Variants in MYO6 observed in about 807,000 individuals in gnomAD.
MYO6 encodes the protein unconventional myosin-VI.
Under a neutral mutation model 178.7 loss-of-function variants are expected in MYO6, and 74 were observed. That is an observed-to-expected ratio of 0.41 (90% confidence interval 0.34 to 0.50). The LOEUF is 0.50. Among genes scored for constraint, MYO6 ranks in the 20% least tolerant of loss-of-function variants. The pLI, the probability that MYO6 is intolerant of heterozygous loss-of-function variation, is 0.09. For synonymous variants in MYO6, 477 were observed against 504.6 expected (o/e 0.95, Z 0.73); for missense variants, 1,330 against 1,547.4 (o/e 0.86, Z 2.36).
At chr6:75,750,225 G>T (rs1381226165) in intron 1 of MYO6, among the ~76,000 whole-genome samples, 2 of 151,638 alleles carry the variant, frequency 1.3e-5, no homozygotes, top group Non-Finnish European at 2.9e-5. Flanking sequence ...CTCCCGAGTA[G>T]CTGGGATTAC....
chr6:75,878,926 A>C (rs949906752), intron 20 of MYO6, among the ~76,000 whole-genome samples: 2 of 152,164 alleles, frequency 1.3e-5, no homozygotes, highest in Admixed American at 6.6e-5. Flanking sequence ...CAGATTAACC[A>C]CTTACTAGAG....
In MYO6 at chr6:75,858,958, C is replaced by T. The variant is rs1291518826; in HGVS notation, c.1438C>T (p.Leu480Phe). 2 of 1,609,470 alleles carry T rather than the reference C, an allele frequency of 1.2e-6. No individual in the cohort carries two copies. ...TTGCATCAACTATTGCAATGAAAAA[C>T]TTCAACAATTTTTTAATGAAAGGAT... ...QFCINYCNEK[L>F]QQFFNERILK... is the part of the protein sequence containing the mutation. Residue 480 changes from leucine to phenylalanine, a missense_variant, in exon 14 of 35, where the codon CTT becomes TTT. This residue lies in a region of MYO6 where 613 missense variants were observed against 816.8 expected (regional missense o/e 0.75). Transcript: ENST00000369977.
At chr6:75,810,593 C>G (rs910250798) in intron 1 of MYO6, among the ~76,000 whole-genome samples, 14 of 152,296 alleles carry the variant, frequency 9.2e-5, no homozygotes, top group African/African-American at 3.4e-4. Flanking sequence ...GGGTTTCCCC[C>G]ATCCAAGAGG....
At chr6:75,857,589 A>T (rs1176821538) in intron 13 of MYO6, among the ~76,000 whole-genome samples, 2 of 152,244 alleles carry the variant, frequency 1.3e-5, no homozygotes, top group Non-Finnish European at 2.9e-5. Flanking sequence ...ACATTCACTG[A>T]TTAAATAACA....
chr6:75,904,216 T>C (rs1461172148), intron 30 of MYO6, among the ~76,000 whole-genome samples: 2 of 149,628 alleles, frequency 1.3e-5, no homozygotes, highest in Non-Finnish European at 3.0e-5. Flanking sequence ...TTGGAGTTGC[T>C]CTTCTCGAGG....
chr6:75,859,422 C>T (rs981476341), intron 14 of MYO6, among the ~76,000 whole-genome samples: 1 of 151,700 alleles, frequency 6.6e-6, no homozygotes, highest in Non-Finnish European at 1.5e-5. Flanking sequence ...GCCTCAGCCT[C>T]CCCAGTAGCT....
intron 18 of MYO6, among the ~76,000 whole-genome samples, chr6:75,870,254 G>A (rs1196277447): frequency 6.6e-6 from 1 of 152,130 alleles, no homozygotes; most frequent in Non-Finnish European, 1.5e-5. Flanking sequence ...TAATGTGTGT[G>A]ACACAAACTA....
chr6:75,758,419 A>C (rs1305009604), intron 1 of MYO6, among the ~76,000 whole-genome samples: 1 of 151,896 alleles, frequency 6.6e-6, no homozygotes, highest in African/African-American at 2.4e-5. Context: ...TGCAGTGTTA[A>C]ATTTCGCACC....
rs139541555 is a variant in MYO6, at chr6:75,777,781, A to G, written c.-48+28358A>G. 1.9e-3 allele frequency among the ~76,000 whole-genome samples: 294 copies of G among 152,132 alleles called. 1 individual carries two copies. The highest frequency in any genetic ancestry group is 6.7e-3 in the African/African-American group (280 of 41,520). ...AAGAAACACTTATTCCCTGCCCCCAATTCATTTTAGTTTAGCTTATAATAC... is the reference window on the plus strand; with the variant it reads ...AAGAAACACTTATTCCCTGCCCCCAGTTCATTTTAGTTTAGCTTATAATAC... On this transcript the variant is annotated intron_variant, in intron 1 of 34. Coordinates refer to ENST00000369977, the MANE Select transcript of MYO6 (RefSeq NM_004999.4).
intron 28 of MYO6, chr6:75,894,893 A>G (rs1317501349): frequency 1.7e-6 from 2 of 1,170,452 alleles, no homozygotes. Flanking sequence ...ATTTCAATCA[A>G]TTACACATAT....
intron 23 of MYO6, among the ~76,000 whole-genome samples, chr6:75,883,631 G>A (rs572111241): frequency 1.3e-5 from 2 of 152,046 alleles, no homozygotes; most frequent in South Asian, 2.1e-4. Flanking sequence ...CTGCTTTTAT[G>A]TGTGGTTTGG....
At chr6:75,826,377 TG>T in intron 3 of MYO6, among the ~76,000 whole-genome samples, 1 of 152,110 alleles carries the variant, frequency 6.6e-6, no homozygotes. Context: ...AAAAGGTAGG[TG>T]GTGAGTGTGG....
rs555606455 is a variant in MYO6 at position 75,880,453 on chromosome 6, A to G, written c.2286+333A>G. Among the ~76,000 whole-genome samples, 3 of 152,284 alleles carry G rather than the reference A, an allele frequency of 2.0e-5. No individual in the cohort carries two copies. The South Asian group carries it at 6.2e-4, about 32-fold the overall frequency. ...CCTGGGCCACACATAAAATACACCA[A>G]CACTAATGATAGCTGATGAGCTAAA... On this transcript the variant is annotated intron_variant, in intron 22 of 34. Transcript: ENST00000369977.
chr6:75,890,098 T>C lies in MYO6; in HGVS notation c.2700T>C (p.Asp900=), dbSNP rs1177104469. The change falls in exon 26 of 35, where the codon GAT becomes GAC. Residue 900 remains aspartate, a synonymous_variant. Coordinates refer to ENST00000369977, the MANE Select transcript of MYO6 (RefSeq NM_004999.4). ...AGGAACAAATCCAGAAAGAATATGA[T>C]GCACTGGTTAAAAGCTCAGAGGAAC... ...MTQEQIQKEY[D]ALVKSSEELL... 1 of 1,613,682 alleles carries C rather than the reference T, an allele frequency of 6.2e-7. No individual in the cohort carries two copies. The highest frequency in any genetic ancestry group is 1.7e-5 in the Admixed American group (1 of 59,982).
rs543997354 is a variant in MYO6 at position 75,857,154 on chromosome 6, G to A, written c.1281G>A (p.Val427=). ...CTCGTGATGCCCTGGCAAAGACAGTGTATAGCCATCTTTTTGATCATGTGG... is the reference window on the plus strand; with the variant it reads ...CTCGTGATGCCCTGGCAAAGACAGTATATAGCCATCTTTTTGATCATGTGG... ...NNARDALAKT[V]YSHLFDHVVN... The change falls in exon 13 of 35, where the codon GTG becomes GTA. Residue 427 remains valine, a synonymous_variant. Coordinates refer to ENST00000369977, the MANE Select transcript of MYO6 (RefSeq NM_004999.4). The A allele has an allele frequency of 1.4e-5, 22 of 1,614,046 alleles. No homozygotes were observed. Among genetic ancestry groups the A allele is most frequent in the South Asian group, 3.3e-5 (3 of 91,080 alleles).
At chr6:75,869,021 A>G (rs1056708247) in intron 18 of MYO6, among the ~76,000 whole-genome samples, 1 of 145,698 alleles carries the variant, frequency 6.9e-6, no homozygotes, top group Admixed American at 6.8e-5. Context: ...CTCTTTTCTC[A>G]GCTGCTAAGA....
rs887114215 is a variant in MYO6, at chr6:75,749,820, C to T, written c.-48+397C>T. On this transcript the variant is annotated intron_variant, in intron 1 of 34. Coordinates refer to ENST00000369977, the MANE Select transcript of MYO6 (RefSeq NM_004999.4). The stretch of plus-strand genomic sequence containing the variant: ...GCAGTTTGCTCTGAGATGTGAAGAT[C>T]AAATGATACCATTAATAGTCTAATC... Among the ~76,000 whole-genome samples the T allele has an allele frequency of 3.9e-5, 6 of 152,270 alleles. 1 individual carries two copies. The South Asian group carries it at 6.2e-4, about 16-fold the overall frequency.
At chr6:75,842,151 C>A (rs1774293890) in intron 9 of MYO6, among the ~76,000 whole-genome samples, 1 of 152,124 alleles carries the variant, frequency 6.6e-6, no homozygotes, top group South Asian at 2.1e-4. Context: ...AATACACAGT[C>A]CCTGCTCTTG....
chr6:75,838,719 T>A (rs1404146209), intron 7 of MYO6, among the ~76,000 whole-genome samples: 3 of 151,254 alleles, frequency 2.0e-5, no homozygotes, highest in Non-Finnish European at 2.9e-5. Context: ...TGGCGTGCAG[T>A]GGCAAGATCT....
Sources: allele counts gnomAD v4.1 joint callset (sites outside exome capture counted in the v4.1 genomes callset), GRCh38; gene constraint gnomAD v4.1.1; regional missense constraint gnomAD v4.1.1; transcripts MANE v1.5; gene names NCBI Gene and HGNC (gene_info 2026-07-23, HGNC 2026-07-21).